EXOC2: variants seen among roughly 807,000 people sequenced by gnomAD.
EXOC2 encodes exocyst complex component 2.
In EXOC2, 70 loss-of-function variants were observed where a neutral mutation model predicts 131.8. The ratio of observed to expected loss-of-function variants is 0.53; its 90% confidence interval spans 0.44 to 0.65. The LOEUF (loss-of-function observed/expected upper bound fraction) is 0.65, where lower values mean the gene tolerates loss of function less well. Ranked by LOEUF, EXOC2 falls within the 30% of genes least tolerant of loss-of-function variation. The probability of loss-of-function intolerance (pLI) is 0.00; values close to 1 mark genes in which losing one functional copy is unlikely to be tolerated. For missense variants in EXOC2, 923 were observed against 1,108.6 expected, an observed-to-expected ratio of 0.83 and a Z score of 2.38; for synonymous variants, 411 against 398.4, an observed-to-expected ratio of 1.03 and a Z score of -0.38.
intron 1 of EXOC2, among the ~76,000 whole-genome samples, chr6:662,264 A>C (rs1763456004): frequency 1.3e-5 from 2 of 152,234 alleles, no homozygotes; most frequent in African/African-American, 2.4e-5. Flanking sequence ...AAAGTCAACA[A>C]AGAAACAACG....
chr6:527,716 C>A (rs1164343757), intron 23 of EXOC2, among the ~76,000 whole-genome samples: 1 of 152,118 alleles, frequency 6.6e-6, no homozygotes, highest in African/African-American at 2.4e-5. Context: ...TTTCCCTTTC[C>A]CATTATAATT....
chr6:633,567 C>T (rs951521217), intron 2 of EXOC2, among the ~76,000 whole-genome samples: 4 of 152,188 alleles, frequency 2.6e-5, no homozygotes, highest in African/African-American at 4.8e-5. Context: ...CAAATCTTCA[C>T]GTGCTTTTTC....
chr6:571,575 C>T (rs1455936395), intron 13 of EXOC2, among the ~76,000 whole-genome samples: 1 of 152,178 alleles, frequency 6.6e-6, no homozygotes, highest in African/African-American at 2.4e-5. Context: ...GACACTTAGC[C>T]ACTTTCCGCC....
chr6:561,234 C>A (rs943496065), intron 17 of EXOC2, among the ~76,000 whole-genome samples: 5 of 152,092 alleles, frequency 3.3e-5, no homozygotes, highest in Admixed American at 2.0e-4. Flanking sequence ...TCCCCAGCCC[C>A]CAGAAGACAG....
intron 2 of EXOC2, among the ~76,000 whole-genome samples, chr6:633,324 A>AT (rs1175281032): frequency 2.0e-5 from 3 of 152,172 alleles, no homozygotes; most frequent in African/African-American, 7.2e-5. Context: ...TTTAGGCTAC[A>AT]TTTGAGTTTC....
At chr6:600,586 G>C (rs1289547401) in intron 7 of EXOC2, among the ~76,000 whole-genome samples, 14 of 151,994 alleles carry the variant, frequency 9.2e-5, no homozygotes, top group Admixed American at 9.2e-4. Flanking sequence ...TTTTTTATTA[G>C]TTTTTAGTAT....
At position 518,310 on chromosome 6, in the gene EXOC2, T is replaced by G. The variant is rs568723641; in HGVS notation, c.2380+14159A>C. ...ACAAGACTGGCTGTGAGATGATCGCTGCTTAAGTCGGCCAACAGGTCAACT... is the reference window on the plus strand; with the variant it reads ...ACAAGACTGGCTGTGAGATGATCGCGGCTTAAGTCGGCCAACAGGTCAACT... On this transcript the variant is annotated intron_variant, in intron 23 of 27. Transcript: ENST00000230449. Among the ~76,000 whole-genome samples, 5 of 152,332 alleles carry G rather than the reference T, an allele frequency of 3.3e-5. No individual in the cohort carries two copies. In the South Asian group the frequency reaches 1.0e-3, roughly 32 times the overall value.
chr6:659,532 C>T (rs1763315094), intron 1 of EXOC2, among the ~76,000 whole-genome samples: 8 of 152,230 alleles, frequency 5.3e-5, no homozygotes. Flanking sequence ...ACTCCAAATA[C>T]TGTGAGTGCC....
At chr6:634,965 A>C (rs1047444852) in intron 2 of EXOC2, among the ~76,000 whole-genome samples, 1 of 152,170 alleles carries the variant, frequency 6.6e-6, no homozygotes, top group Non-Finnish European at 1.5e-5. Flanking sequence ...AAACCAGTCT[A>C]TATGTTTTTT....
chr6:563,555 G>GT (rs143757239), intron 16 of EXOC2, among the ~76,000 whole-genome samples: 17 of 152,036 alleles, frequency 1.1e-4, no homozygotes, highest in Admixed American at 8.5e-4. Context: ...AACCTTTATG[G>GT]TTTTTTTATG....
Position 532,656 on chromosome 6 carries a change from T to A in EXOC2, c.2239-46A>T, listed in dbSNP as rs1766159222. ...GTATGAGTTGCCTATTTGAGGGTGATGGAAAAAGTAAAATAATGTTAACAA... is the reference window on the plus strand; with the variant it reads ...GTATGAGTTGCCTATTTGAGGGTGAAGGAAAAAGTAAAATAATGTTAACAA... On this transcript the variant is annotated intron_variant, in intron 22 of 27. Coordinates refer to ENST00000230449, the MANE Select transcript of EXOC2 (RefSeq NM_018303.6). 2.2e-6 allele frequency: 3 copies of A among 1,376,750 alleles called. No homozygotes were observed. The African/African-American group carries it at 4.5e-5, about 21-fold the overall frequency. The allele number at this position is 1,376,750 out of a possible 1,614,324, so 85.3% of individuals were successfully genotyped here.
chr6:637,040 G>A (rs867406421), intron 2 of EXOC2, among the ~76,000 whole-genome samples: 3 of 152,144 alleles, frequency 2.0e-5, no homozygotes, highest in African/African-American at 7.2e-5. Flanking sequence ...GCCACATCAT[G>A]GAAGGAGGAA....
At chr6:511,762 G>A (rs960829851) in intron 23 of EXOC2, among the ~76,000 whole-genome samples, 4 of 152,202 alleles carry the variant, frequency 2.6e-5, no homozygotes, top group African/African-American at 4.8e-5. Context: ...ACAGTGCCTC[G>A]TTTCATAGAC....
In EXOC2 at chr6:497,362, G is replaced by C; in HGVS notation, c.2559+5C>G. ...GTTCAATATGAAATTGAATGATTTT[G>C]TTACCTGTAAAGCTCCATTTTTGCT... On this transcript the variant is annotated splice_donor_5th_base_variant and intron_variant, in intron 25 of 27. Coordinates refer to ENST00000230449, the MANE Select transcript of EXOC2 (RefSeq NM_018303.6). 2 of 1,611,682 alleles carry C rather than the reference G, an allele frequency of 1.2e-6. No individual in the cohort carries two copies. Among genetic ancestry groups the C allele is most frequent in the Non-Finnish European group, 1.7e-6 (2 of 1,179,180 alleles).
intron 9 of EXOC2, among the ~76,000 whole-genome samples, chr6:598,341 G>C (rs1373625428): frequency 6.6e-6 from 1 of 152,116 alleles, no homozygotes; most frequent in African/African-American, 2.4e-5. Flanking sequence ...ACATTTCACT[G>C]CATGTATATT....
intron 1 of EXOC2, chr6:679,161 T>C (rs532891148): frequency 6.6e-6 from 1 of 151,942 alleles, no homozygotes; most frequent in African/African-American, 2.4e-5. Context: ...AGTTAATAAA[T>C]AAAAGATAAG....
At chr6:580,358 A>G (rs1758822772) in intron 11 of EXOC2, among the ~76,000 whole-genome samples, 1 of 152,066 alleles carries the variant, frequency 6.6e-6, no homozygotes, top group Non-Finnish European at 1.5e-5. Flanking sequence ...AGTTTTTAAC[A>G]TCCCGTAACA....
intron 6 of EXOC2, among the ~76,000 whole-genome samples, chr6:616,924 A>G (rs1761045276): frequency 6.6e-6 from 1 of 151,880 alleles, no homozygotes; most frequent in Non-Finnish European, 1.5e-5. Context: ...TATTTTTAGT[A>G]GAGAGGGAGG....
At chr6:613,357 G>C (rs1333284068) in intron 6 of EXOC2, among the ~76,000 whole-genome samples, 1 of 152,098 alleles carries the variant, frequency 6.6e-6, no homozygotes, top group Non-Finnish European at 1.5e-5. Flanking sequence ...TGGAATACCG[G>C]GTTGGGATGG....
Sources: allele counts gnomAD v4.1 joint callset (sites outside exome capture counted in the v4.1 genomes callset), GRCh38; gene constraint gnomAD v4.1.1; transcripts MANE v1.5; gene names NCBI Gene and HGNC (gene_info 2026-07-23, HGNC 2026-07-21).